Variants in USP6 observed in about 807,000 individuals in gnomAD.
USP6 encodes ubiquitin carboxyl-terminal hydrolase 6.
In USP6, 128 loss-of-function variants were observed where a neutral mutation model predicts 175.7. That is an observed-to-expected ratio of 0.73 (90% confidence interval 0.63 to 0.84). The LOEUF (loss-of-function observed/expected upper bound fraction) is 0.84. Ranked by LOEUF, USP6 falls within the 40% of genes least tolerant of loss-of-function variation. USP6 has a pLI of 0.00. For synonymous variants in USP6, 562 were observed against 630.6 expected, an observed-to-expected ratio of 0.89 and a Z score of 1.63; for missense variants, 1,498 against 1,760.3, an observed-to-expected ratio of 0.85 and a Z score of 2.67.
chr17:5,132,182 C>T lies in USP6; in HGVS notation c.156-214C>T. ...TGCCAGGGGCCCCAGTAACCCCAGCCAGGCTGTCCCTGCACTCCTTCTTCT... is the reference window on the plus strand; with the variant it reads ...TGCCAGGGGCCCCAGTAACCCCAGCTAGGCTGTCCCTGCACTCCTTCTTCT... On this transcript the variant is annotated intron_variant, in intron 11 of 37. Coordinates refer to ENST00000574788, the MANE Select transcript of USP6 (RefSeq NM_001304284.2). The surrounding 1 kb of genome is among the most constrained non-coding windows in gnomAD (Gnocchi z 4.7). The T allele has an allele frequency of 6.6e-7, 1 of 1,524,776 alleles. No individual in the cohort carries two copies. Among genetic ancestry groups the T allele is most frequent in the Admixed American group, 2.0e-5 (1 of 50,560 alleles). The allele number at this position is 1,524,776 out of a possible 1,614,324, so 94.5% of individuals were successfully genotyped here.
rs752906972 is a variant in USP6, at chr17:5,135,794, T to C, written c.544-14T>C. ...CCAGGTGATGTCCTTCCATGGTGAC[T>C]CTGGCTCTTGCAGGAGGTGGGCTAC... On this transcript the variant is annotated splice_polypyrimidine_tract_variant and intron_variant, in intron 16 of 37. Transcript: ENST00000574788. The C allele has an allele frequency of 1.3e-6, 2 of 1,597,706 alleles. No homozygotes were observed. Among genetic ancestry groups the C allele is most frequent in the Non-Finnish European group, 1.7e-6 (2 of 1,179,708 alleles).
intron 30 of USP6, among the ~76,000 whole-genome samples, chr17:5,150,303 T>A (rs9895748): frequency 0.013 from 1,758 of 134,356 alleles, 42 homozygotes; most frequent in African/African-American, 0.042. Flanking sequence ...AAAAAATAAA[T>A]AAATAAATAA....
chr17:5,130,807 C>T (rs1297205192), intron 11 of USP6, 123 bp downstream of exon 11: 16 of 1,323,688 alleles, frequency 1.2e-5, no homozygotes, highest in African/African-American at 2.9e-5. Context: ...AACCTCTTTT[C>T]CAGGGTCAGA....
intron 10 of USP6, 79 bp downstream of exon 10, chr17:5,130,518 CAG>C (rs2073031858): frequency 1.9e-6 from 3 of 1,610,848 alleles, no homozygotes; most frequent in Admixed American, 3.3e-5. Context: ...CCTAGGAGCA[CAG>C]GGCAGGGACG....
chr17:5,136,383 C>T (rs117300881), intron 17 of USP6, among the ~76,000 whole-genome samples: 8,677 of 152,280 alleles, frequency 0.057, 311 homozygotes, highest in East Asian at 0.14. Flanking sequence ...CTGTTCTGGC[C>T]GCTCTGTTGT....
rs749836474 is a variant in USP6 at position 5,133,984 on chromosome 17, G to A, written c.482G>A (p.Arg161Gln). ...CGGAACCATGTCTTCTTTAGGGATC[G>A]ATATGGAGCCAAGTAAGCCTACGGG... ...TLRNHVFFRD[R>Q]YGAKQRELFY... Residue 161 changes from arginine to glutamine, a missense_variant, in exon 15 of 38, where the codon CGA becomes CAA. By Grantham distance (43) the Arg-to-Gln change is conservative. Transcript: ENST00000574788. The A allele has an allele frequency of 9.3e-6, 15 of 1,613,932 alleles. No homozygotes were observed. In the East Asian group the frequency reaches 1.3e-4, roughly 14 times the overall value.
intron 15 of USP6, chr17:5,135,030 A>G (rs183377398): frequency 3.5e-6 from 2 of 573,274 alleles, no homozygotes; most frequent in Non-Finnish European, 6.3e-6. Flanking sequence ...GGATCGGTCA[A>G]CTCACTGTAG....
At chr17:5,166,859 C>A (rs570161013) in intron 33 of USP6, among the ~76,000 whole-genome samples, 6 of 151,974 alleles carry the variant, frequency 3.9e-5, no homozygotes, top group Non-Finnish European at 7.4e-5. Flanking sequence ...CCCTGCACCC[C>A]GCCCATTCTT....
chr17:5,139,765 C>T (rs1348156608), intron 22 of USP6, 91 bp downstream of exon 22: 5 of 1,596,126 alleles, frequency 3.1e-6, no homozygotes, highest in Non-Finnish European at 4.2e-6. Flanking sequence ...ACCGGGATAC[C>T]TCCTTTGCAG....
chr17:5,138,943 T>C, intron 21 of USP6: 1 of 1,355,070 alleles, frequency 7.4e-7, no homozygotes, highest in Non-Finnish European at 9.9e-7. Context: ...CCCTCCCACT[T>C]GAGTTCTGAT....
At chr17:5,166,438 G>A (rs901542908) in intron 33 of USP6, among the ~76,000 whole-genome samples, 3 of 152,082 alleles carry the variant, frequency 2.0e-5, no homozygotes, top group Admixed American at 1.3e-4. Flanking sequence ...TGAATGTCTT[G>A]AGCTGTGCCA....
rs1165936942 is a variant in USP6, at chr17:5,138,254, A to G, written c.1059A>G (p.Gln353=). 6.2e-7 allele frequency: 1 copy of G among 1,613,756 alleles called. No individual in the cohort carries two copies. The highest frequency in any genetic ancestry group is 2.2e-5 in the East Asian group (1 of 44,870). The change falls in exon 21 of 38, where the codon CAA becomes CAG. Residue 353 remains glutamine, a synonymous_variant. Transcript: ENST00000574788. ...CTACGAAGAAACTAACAAGGAAGCAAGGGGACCTGCCACCCCCAGGTGGGC... is the reference window on the plus strand; with the variant it reads ...CTACGAAGAAACTAACAAGGAAGCAGGGGGACCTGCCACCCCCAGGTGGGC... The part of the protein sequence containing the change: ...RASTKKLTRK[Q]GDLPPPAKRE...
intron 35 of USP6, 102 bp from the exon 36 acceptor site, chr17:5,170,377 T>A (rs1284685753): frequency 6.7e-7 from 1 of 1,501,484 alleles, no homozygotes; most frequent in East Asian, 2.3e-5. Flanking sequence ...TGTCTTTACC[T>A]TTGTGTGTAC....
chr17:5,118,326 C>T (rs1464749936), intron 2 of USP6, 36 bp downstream of exon 2: 1 of 152,476 alleles, frequency 6.6e-6, no homozygotes, highest in African/African-American at 2.4e-5. Flanking sequence ...CTGGCCACTA[C>T]AGGCACCAGC....
At chr17:5,128,464 C>G (rs1356497808) in intron 7 of USP6, 2 of 152,268 alleles carry the variant, frequency 1.3e-5, no homozygotes, top group Non-Finnish European at 2.9e-5. Context: ...CTTCCCTCCA[C>G]TCCTATGTGT....
At chr17:5,142,251 G>T in intron 24 of USP6, 110 bp downstream of exon 24, 3 of 1,535,756 alleles carry the variant, frequency 2.0e-6, no homozygotes, top group Non-Finnish European at 1.8e-6. Context: ...TATCTTATTT[G>T]CCCTATTTAA....
chr17:5,157,411 T>G (rs2073907656), intron 31 of USP6, among the ~76,000 whole-genome samples: 1 of 152,184 alleles, frequency 6.6e-6, no homozygotes, highest in South Asian at 2.1e-4. Flanking sequence ...AATAATTATT[T>G]AAAGTATTTA....
intron 9 of USP6, 40 bp downstream of exon 9, chr17:5,130,129 C>G (rs985986603): frequency 3.7e-6 from 2 of 534,048 alleles, no homozygotes; most frequent in African/African-American, 3.8e-5. Context: ...CAACCGGATT[C>G]TCTGTCCAGG....
chr17:5,129,285 C>T (rs1472763710), intron 8 of USP6, 152 bp downstream of exon 8: 3 of 152,328 alleles, frequency 2.0e-5, no homozygotes, highest in Non-Finnish European at 4.4e-5. Flanking sequence ...CCCAGATTTC[C>T]GATCCCAATG....
Sources: gnomAD v4.1 joint callset for allele counts (sites outside exome capture counted in the v4.1 genomes callset) on GRCh38, gnomAD v4.1.1 for gene constraint, Gnocchi (gnomAD v3.1) non-coding constraint, MANE v1.5 for transcripts, NCBI Gene and HGNC (gene_info 2026-07-23, HGNC 2026-07-21) for gene names.